The following COL19A1 variants were observed in gnomAD, a reference collection of about 807,000 sequenced individuals.
COL19A1 encodes the protein collagen alpha-1(XIX) chain.
In COL19A1, 159 loss-of-function variants were observed where a neutral mutation model predicts 190.2. That is an observed-to-expected ratio of 0.84 (90% CI 0.73 to 0.95). COL19A1 has a LOEUF of 0.95. Ranked by LOEUF, COL19A1 falls within the 40% of genes least tolerant of loss-of-function variation. The probability of loss-of-function intolerance (pLI) is 0.00; values close to 1 mark genes in which losing one functional copy is unlikely to be tolerated. For synonymous variants in COL19A1, 509 were observed against 458.9 expected (o/e 1.11, Z -1.39); for missense variants, 1,418 against 1,431.9 (o/e 0.99, Z 0.16).
chr6:69,926,175 G>A (rs1772378302), intron 4 of COL19A1, among the ~76,000 whole-genome samples: 1 of 152,146 alleles, frequency 6.6e-6, no homozygotes, highest in South Asian at 2.1e-4. Flanking sequence ...AGTTTTCAAA[G>A]GGAATGCCTC....
intron 14 of COL19A1, among the ~76,000 whole-genome samples, chr6:70,052,801 A>G: frequency 6.6e-6 from 1 of 152,220 alleles, no homozygotes; most frequent in Non-Finnish European, 1.5e-5. Flanking sequence ...GTGCAAGTAG[A>G]ATATATTAGA....
At chr6:69,881,747 T>C (rs184903934) in intron 2 of COL19A1, among the ~76,000 whole-genome samples, 32 of 152,362 alleles carry the variant, frequency 2.1e-4, no homozygotes, top group Admixed American at 8.5e-4. Context: ...ATTACGTTTG[T>C]TTTTATCATG....
intron 4 of COL19A1, among the ~76,000 whole-genome samples, chr6:69,905,169 T>G (rs1770466390): frequency 6.6e-6 from 1 of 152,136 alleles, no homozygotes; most frequent in African/African-American, 2.4e-5. Flanking sequence ...AATTGTCAGG[T>G]CCATGACTAC....
chr6:70,134,159 C>T (rs911903337), intron 18 of COL19A1, among the ~76,000 whole-genome samples: 4 of 152,124 alleles, frequency 2.6e-5, no homozygotes, highest in African/African-American at 9.7e-5. Flanking sequence ...ATGGGTAACA[C>T]GAAGGTCACT....
At chr6:70,035,867 C>A (rs756319159) in intron 13 of COL19A1, 37 bp from the exon 14 acceptor site, 1 of 1,576,740 alleles carries the variant, frequency 6.3e-7, no homozygotes, top group Non-Finnish European at 8.7e-7. Context: ...CAAAAAGGGA[C>A]TAGTGGTAAT....
At chr6:70,136,729 C>A (rs1785897486) in intron 18 of COL19A1, among the ~76,000 whole-genome samples, 1 of 151,970 alleles carries the variant, frequency 6.6e-6, no homozygotes, top group Admixed American at 6.6e-5. Context: ...TAATTTCTTT[C>A]ATTTTGGGTA....
chr6:69,946,099 A>C (rs1320004586), intron 9 of COL19A1, among the ~76,000 whole-genome samples: 1 of 151,910 alleles, frequency 6.6e-6, no homozygotes, highest in Non-Finnish European at 1.5e-5. Flanking sequence ...AACAAATAGG[A>C]ATATCTTAGA....
chr6:69,929,301 C>T (rs1772598719), intron 5 of COL19A1, 124 bp from the exon 6 acceptor site: 1 of 894,602 alleles, frequency 1.1e-6, no homozygotes, highest in African/African-American at 1.7e-5. Context: ...ACACAAGTGT[C>T]ATCTAAAATA....
At chr6:70,161,055 A>G (rs1271175372) in intron 34 of COL19A1, among the ~76,000 whole-genome samples, 1 of 152,182 alleles carries the variant, frequency 6.6e-6, no homozygotes, top group Non-Finnish European at 1.5e-5. Flanking sequence ...ATATAAATGT[A>G]TCAGCATCTT....
chr6:69,930,014 A>G (rs1378063018), intron 6 of COL19A1, among the ~76,000 whole-genome samples: 3 of 152,182 alleles, frequency 2.0e-5, no homozygotes, highest in East Asian at 1.9e-4. Flanking sequence ...AACTTGGTCT[A>G]AGTTCATATG....
intron 11 of COL19A1, among the ~76,000 whole-genome samples, chr6:70,000,986 G>A (rs1397453734): frequency 6.6e-6 from 1 of 152,100 alleles, no homozygotes; most frequent in African/African-American, 2.4e-5. Context: ...TTCTTCTAGG[G>A]TTTTTATGTT....
At chr6:70,161,468 C>T (rs1299805245) in intron 34 of COL19A1, among the ~76,000 whole-genome samples, 1 of 152,148 alleles carries the variant, frequency 6.6e-6, no homozygotes, top group African/African-American at 2.4e-5. Flanking sequence ...CCTTCTTACT[C>T]TTTAAAACTG....
intron 27 of COL19A1, among the ~76,000 whole-genome samples, chr6:70,149,231 C>A (rs374353305): frequency 6.6e-6 from 1 of 151,918 alleles, no homozygotes; most frequent in Non-Finnish European, 1.5e-5. Context: ...TTTATTTATC[C>A]GAAATTCTAA....
At chr6:69,921,461 CAT>C (rs1314234845) in intron 4 of COL19A1, among the ~76,000 whole-genome samples, 4 of 127,714 alleles carry the variant, frequency 3.1e-5, no homozygotes, top group Admixed American at 1.8e-4. Context: ...TCATATATAT[CAT>C]ATATATTCAT....
At chr6:69,982,332 C>T (rs1776081195) in intron 11 of COL19A1, among the ~76,000 whole-genome samples, 1 of 151,920 alleles carries the variant, frequency 6.6e-6, no homozygotes, top group Non-Finnish European at 1.5e-5. Flanking sequence ...ACCTCCGCCT[C>T]CCAGGTCAAG....
At chr6:69,994,395 G>T (rs984314897) in intron 11 of COL19A1, among the ~76,000 whole-genome samples, 6 of 152,140 alleles carry the variant, frequency 3.9e-5, no homozygotes, top group African/African-American at 1.4e-4. Flanking sequence ...CAAGGAACGA[G>T]TTAAAGACAG....
chr6:70,074,472 C>A (rs553991256), intron 15 of COL19A1, among the ~76,000 whole-genome samples: 107 of 126,598 alleles, frequency 8.5e-4, no homozygotes, highest in African/African-American at 3.3e-3. Flanking sequence ...ATACTCCAGC[C>A]TGGGTGACAG....
intron 11 of COL19A1, among the ~76,000 whole-genome samples, chr6:70,009,289 A>G (rs1777833782): frequency 6.6e-6 from 1 of 152,088 alleles, no homozygotes; most frequent in South Asian, 2.1e-4. Flanking sequence ...ACAATTCATT[A>G]GCAAGTTTAG....
intron 17 of COL19A1, 48 bp downstream of exon 17, chr6:70,121,990 T>A (rs1326101516): frequency 7.9e-7 from 1 of 1,268,618 alleles, no homozygotes; most frequent in East Asian, 2.4e-5. Context: ...AAATTTTATA[T>A]GATTGTATTT....
Sources: gnomAD v4.1 joint callset for allele counts (sites outside exome capture counted in the v4.1 genomes callset) on GRCh38, gnomAD v4.1.1 for gene constraint, MANE v1.5 for transcripts, NCBI Gene and HGNC (gene_info 2026-07-23, HGNC 2026-07-21) for gene names.